Variants in SLC19A1 observed in about 807,000 individuals in gnomAD.
SLC19A1 encodes the protein reduced folate transporter.
SLC19A1 carries 37 observed loss-of-function variants against 35.3 expected under a neutral mutation model. The observed-to-expected ratio is 1.05, with a 90% confidence interval of 0.81 to 1.38. The LOEUF is 1.38. SLC19A1 is among the 40% of genes most tolerant of loss of function. The probability of loss-of-function intolerance (pLI) is 0.00; values close to 1 mark genes in which losing one functional copy is unlikely to be tolerated. For synonymous variants in SLC19A1, 460 were observed against 398.5 expected, an observed-to-expected ratio of 1.15 and a Z score of -1.84; for missense variants, 831 against 826.9, an observed-to-expected ratio of 1.00 and a Z score of -0.06.
Position 45,515,459 on chromosome 21 carries a change from C to A in SLC19A1, c.*199G>T, listed in dbSNP as rs1190310881. 3 of 1,481,958 alleles carry A rather than the reference C, an allele frequency of 2.0e-6. No individual in the cohort carries two copies. Among genetic ancestry groups the A allele is most frequent in the Admixed American group, 2.5e-5 (1 of 39,474 alleles). The allele number at this position is 1,481,958 out of a possible 1,614,324, so 91.8% of individuals were successfully genotyped here. A position where few individuals can be genotyped will look rare whatever the true frequency, so the allele number is the denominator to read the frequency against. The stretch of plus-strand genomic sequence containing the variant: ...CCCGCGGGGCACAGTGCAGGGACAG[C>A]ATGGCCAGGCAGCTGCCCTGAGTGT... On this transcript the variant is annotated 3_prime_UTR_variant, in exon 6 of 6. Coordinates refer to ENST00000311124, the MANE Select transcript of SLC19A1 (RefSeq NM_194255.4).
At chr21:45,504,032 T>C in intron 3 of SLC19A1, 1 of 1,612,252 alleles carries the variant, frequency 6.2e-7, no homozygotes, top group Non-Finnish European at 8.5e-7. Context: ...TTTGACTTTC[T>C]TCAGTTGGAG....
intron 5 of SLC19A1, among the ~76,000 whole-genome samples, chr21:45,525,083 C>G (rs572594868): frequency 6.6e-6 from 1 of 152,228 alleles, no homozygotes; most frequent in Non-Finnish European, 1.5e-5. Flanking sequence ...ATTGCCCGGG[C>G]CTTACCCTGA....
At position 45,550,876 on chromosome 21, in the gene SLC19A1, C is replaced by T. The variant is rs367653038; in HGVS notation, c.-50+11866G>A. Among the ~76,000 whole-genome samples, 29 of 146,962 alleles carry T rather than the reference C, an allele frequency of 2.0e-4. No individual in the cohort carries two copies. In the East Asian group the frequency reaches 2.6e-3, roughly 13 times the overall value. On this transcript the variant is annotated intron_variant, in intron 1 of 5. Transcript: ENST00000650808. ...TCCTCTGCCTTCCTCCCCTCTCCTC[C>T]GCCTTTCTGTCCCCTTCCCTCCCAC...
intron 5 of SLC19A1, among the ~76,000 whole-genome samples, chr21:45,518,641 G>A (rs1479519639): frequency 6.6e-6 from 1 of 152,078 alleles, no homozygotes; most frequent in Non-Finnish European, 1.5e-5. Flanking sequence ...TTACGGGCAA[G>A]CAATTTGAAT....
intron 1 of SLC19A1, among the ~76,000 whole-genome samples, chr21:45,539,269 G>T (rs1254405730): frequency 6.6e-6 from 1 of 152,220 alleles, no homozygotes; most frequent in East Asian, 1.9e-4. Context: ...GCTCCCGGAG[G>T]CCAGGCCTGG....
chr21:45,548,078 G>A (rs1213329385), upstream of SLC19A1, among the ~76,000 whole-genome samples: 1 of 152,226 alleles, frequency 6.6e-6, no homozygotes, highest in East Asian at 1.9e-4. Context: ...GAGATATGGA[G>A]ACCAAGGGAA....
rs1131596 is a variant in SLC19A1, at chr21:45,538,002, G to A, written c.-43C>T. On this transcript the variant is annotated 5_prime_UTR_variant, in exon 2 of 6. Transcript: ENST00000311124. ...CAGCTCCGGAGGGGACGAAGGTGAC[G>A]CTGTGCCTGGAAGGAGGGGTGGAGT... 0.55 allele frequency: 793,034 copies of A among 1,437,318 alleles called. 221,635 individuals carry two copies. Among genetic ancestry groups the A allele is most frequent in the South Asian group, 0.58 (42,259 of 72,254 alleles). 89.0% of individuals were successfully genotyped at this position (1,437,318 alleles called of 1,614,324 possible). A position where few individuals can be genotyped will look rare whatever the true frequency, so the allele number is the denominator to read the frequency against.
At chr21:45,532,415 C>G (rs2077964920) in intron 2 of SLC19A1, among the ~76,000 whole-genome samples, 1 of 152,232 alleles carries the variant, frequency 6.6e-6, no homozygotes, top group Non-Finnish European at 1.5e-5. Flanking sequence ...ATTAACAAGC[C>G]TGTTCATCTA....
rs1276463348 is a variant in SLC19A1, at chr21:45,505,925, G to A, written c.498-7313C>T. 3.7e-6 allele frequency: 6 copies of A among 1,613,242 alleles called. No individual in the cohort carries two copies. The highest frequency in any genetic ancestry group is 1.3e-5 in the African/African-American group (1 of 75,072). Reference sequence around the variant, plus strand: ...GCTCATCTTCGTGGCCGAGCAGGAGGAGCTCTACGTCCGCGTGCAGAACGG... The same window carrying A: ...GCTCATCTTCGTGGCCGAGCAGGAGAAGCTCTACGTCCGCGTGCAGAACGG... On this transcript the variant is annotated intron_variant, in intron 3 of 4. Transcript: ENST00000417954.
chr21:45,502,602 G>A (rs1051081449), intron 3 of SLC19A1: 8 of 152,148 alleles, frequency 5.3e-5, no homozygotes, highest in East Asian at 1.9e-4. Flanking sequence ...TTGCAAAGGC[G>A]AACAACATTC....
intron 1 of SLC19A1, among the ~76,000 whole-genome samples, chr21:45,551,715 C>T (rs1478495268): frequency 1.3e-5 from 2 of 152,176 alleles, no homozygotes; most frequent in African/African-American, 2.4e-5. Flanking sequence ...ATGTTTTAAA[C>T]TTTTTCATGG....
chr21:45,553,313 G>A (rs1417685229), intron 1 of SLC19A1, among the ~76,000 whole-genome samples: 3 of 151,964 alleles, frequency 2.0e-5, no homozygotes, highest in Non-Finnish European at 1.5e-5. Context: ...TGAAGGACAC[G>A]ACTCCAGGCC....
At chr21:45,539,297 G>A (rs776371981) in intron 1 of SLC19A1, among the ~76,000 whole-genome samples, 2 of 152,252 alleles carry the variant, frequency 1.3e-5, no homozygotes, top group African/African-American at 2.4e-5. Context: ...CACGTGGAAA[G>A]GCCATCTGCT....
chr21:45,557,540 C>T lies in SLC19A1; in HGVS notation c.-50+5202G>A, dbSNP rs372286194. On this transcript the variant is annotated intron_variant, in intron 1 of 5. Coordinates refer to the SLC19A1 transcript ENST00000650808. ...TGGAGTGTCCTGCTCCAGCCACAGC[C>T]CTGCAGTGGTTCATGGCCAGAGCAG... Among the ~76,000 whole-genome samples, 250 of 152,250 alleles carry T rather than the reference C, an allele frequency of 1.6e-3. 3 individuals are homozygous for T. The highest frequency in any genetic ancestry group is 5.6e-3 in the African/African-American group (231 of 41,564).
rs9985095 is a variant in SLC19A1, at chr21:45,507,498, A to T, written c.498-8886T>A. On this transcript the variant is annotated intron_variant, in intron 3 of 4. Transcript: ENST00000417954. ...GGGGCGGGAGAGTCGGGTGCTGGGC[A>T]GGGAGGGCACCCTGGCTCAGGCCCA... The T allele has an allele frequency of 1.3e-3, 620 of 495,560 alleles. 1 individual carries two copies. Among genetic ancestry groups the T allele is most frequent in the African/African-American group, 4.1e-3 (79 of 19,094 alleles). The allele number at this position is 495,560 out of a possible 1,614,324, so 30.7% of individuals were successfully genotyped here.
At chr21:45,509,602 G>A (rs2037450344), downstream of SLC19A1, 1 of 1,453,228 alleles carries the variant, frequency 6.9e-7, no homozygotes, top group Non-Finnish European at 9.2e-7. Context: ...CCAGCCGGTG[G>A]TGAGTGCCCC....
In SLC19A1 at chr21:45,505,950, G is replaced by A. The variant is rs1403396185; in HGVS notation, c.498-7338C>T. 3 of 1,613,260 alleles carry A rather than the reference G, an allele frequency of 1.9e-6. No homozygotes were observed. Among genetic ancestry groups the A allele is most frequent in the Admixed American group, 3.3e-5 (2 of 60,032 alleles). ...GAGCTCTACGTCCGCGTGCAGAACG[G>A]GTTCCGGAAGGTCCAGGTGAGCGCT... On this transcript the variant is annotated intron_variant, in intron 3 of 4. Transcript: ENST00000417954.
At chr21:45,547,138 G>A (rs1233899336), upstream of SLC19A1, among the ~76,000 whole-genome samples, 1 of 152,212 alleles carries the variant, frequency 6.6e-6, no homozygotes, top group African/African-American at 2.4e-5. Flanking sequence ...CAACGCCAAT[G>A]AAAATCAGAA....
downstream of SLC19A1, chr21:45,509,274 C>T (rs191997585): frequency 2.6e-6 from 4 of 1,519,996 alleles, no homozygotes; most frequent in African/African-American, 4.1e-5. Context: ...GCCCCTCTCA[C>T]CCAGCCCAGA....
Sources: allele counts gnomAD v4.1 joint callset (sites outside exome capture counted in the v4.1 genomes callset), GRCh38; gene constraint gnomAD v4.1.1; transcripts MANE v1.5; gene names NCBI Gene and HGNC (gene_info 2026-07-23, HGNC 2026-07-21).